The following TBCA variants were observed in gnomAD, a reference collection of about 807,000 sequenced individuals.
The protein encoded by TBCA is tubulin folding cofactor A, also known as tubulin-specific chaperone A.
Under a neutral mutation model 15.8 loss-of-function variants are expected in TBCA, and 6 were observed. That is an observed-to-expected ratio of 0.38 (90% CI 0.21 to 0.75). TBCA has a LOEUF of 0.75. Ranked by LOEUF, TBCA falls within the 30% of genes least tolerant of loss-of-function variation. The probability of loss-of-function intolerance (pLI) is 0.46; values close to 1 mark genes in which losing one functional copy is unlikely to be tolerated. For missense variants in TBCA, 90 were observed against 131.2 expected (o/e 0.69, Z 1.53); for synonymous variants, 32 against 42.3 (o/e 0.76, Z 0.94).
chr5:77,723,624 TA>T (rs34625177), intron 1 of TBCA, among the ~76,000 whole-genome samples: 10 of 150,730 alleles, frequency 6.6e-5, no homozygotes, highest in South Asian at 2.1e-4. Flanking sequence ...AGAATGGCCT[TA>T]AAAAAAAATA....
At chr5:77,761,572 C>T (rs1417127354) in intron 1 of TBCA, among the ~76,000 whole-genome samples, 2 of 151,928 alleles carry the variant, frequency 1.3e-5, no homozygotes, top group African/African-American at 2.4e-5. Context: ...ACCTTCTCTC[C>T]ACTATTATCC....
At chr5:77,764,631 G>A (rs781573605) in intron 1 of TBCA, among the ~76,000 whole-genome samples, 1 of 152,188 alleles carries the variant, frequency 6.6e-6, no homozygotes, top group Admixed American at 6.5e-5. Context: ...TTGGGGAAAT[G>A]TTTTCCTAAA....
intron 1 of TBCA, among the ~76,000 whole-genome samples, chr5:77,735,088 A>C (rs1385074898): frequency 6.6e-6 from 1 of 152,208 alleles, no homozygotes; most frequent in Non-Finnish European, 1.5e-5. Flanking sequence ...AAACCAAAAA[A>C]TTTGTGTGAC....
At chr5:77,772,922 C>T (rs1045350646) in intron 1 of TBCA, among the ~76,000 whole-genome samples, 7 of 152,252 alleles carry the variant, frequency 4.6e-5, no homozygotes, top group African/African-American at 1.7e-4. Flanking sequence ...CAGCATATAA[C>T]TACTTGAACT....
chr5:77,714,099 T>A (rs956276401), intron 1 of TBCA, among the ~76,000 whole-genome samples: 20 of 151,178 alleles, frequency 1.3e-4, no homozygotes, highest in Admixed American at 8.6e-4. Context: ...GGTGGGAGGA[T>A]CACTCGAGGT....
intron 1 of TBCA, among the ~76,000 whole-genome samples, chr5:77,735,002 A>AT (rs1367058445): frequency 6.6e-6 from 1 of 152,284 alleles, no homozygotes; most frequent in East Asian, 1.9e-4. Flanking sequence ...TGGTATGTAC[A>AT]TTTTTTAGAT....
At chr5:77,720,257 T>C (rs1746497845) in intron 1 of TBCA, among the ~76,000 whole-genome samples, 1 of 152,050 alleles carries the variant, frequency 6.6e-6, no homozygotes, top group Non-Finnish European at 1.5e-5. Context: ...CACAGATGGA[T>C]AGGGTAAAGT....
chr5:77,695,132 C>A (rs1745844992), intron 2 of TBCA, among the ~76,000 whole-genome samples: 1 of 152,084 alleles, frequency 6.6e-6, no homozygotes, highest in South Asian at 2.1e-4. Context: ...TGACAAGTCA[C>A]AATATGTGTT....
intron 1 of TBCA, among the ~76,000 whole-genome samples, chr5:77,758,477 G>A (rs1747528533): frequency 6.6e-6 from 1 of 152,200 alleles, no homozygotes; most frequent in Non-Finnish European, 1.5e-5. Flanking sequence ...AGTGTTGTGA[G>A]CCCTTAAAAG....
chr5:77,712,688 C>T (rs1746308509), intron 1 of TBCA, among the ~76,000 whole-genome samples: 1 of 152,042 alleles, frequency 6.6e-6, no homozygotes, highest in African/African-American at 2.4e-5. Flanking sequence ...TTGAAACAAA[C>T]TCATTTAGCA....
At chr5:77,707,257 G>C (rs1299572005) in intron 2 of TBCA, among the ~76,000 whole-genome samples, 1 of 152,178 alleles carries the variant, frequency 6.6e-6, no homozygotes, top group Admixed American at 6.6e-5. Flanking sequence ...AAGAATATGA[G>C]AAAGTTCCCT....
At chr5:77,768,649 A>G (rs1225534225) in intron 1 of TBCA, among the ~76,000 whole-genome samples, 1 of 152,196 alleles carries the variant, frequency 6.6e-6, no homozygotes, top group East Asian at 1.9e-4. Flanking sequence ...CCAACACCAT[A>G]CCAGATGATT....
At chr5:77,724,549 T>C (rs1270421430) in intron 1 of TBCA, among the ~76,000 whole-genome samples, 2 of 152,184 alleles carry the variant, frequency 1.3e-5, no homozygotes, top group Admixed American at 6.5e-5. Context: ...TATATAGTTA[T>C]GGTATAAGGG....
chr5:77,745,141 G>A (rs748146874), intron 1 of TBCA, among the ~76,000 whole-genome samples: 1 of 152,128 alleles, frequency 6.6e-6, no homozygotes, highest in Admixed American at 6.5e-5. Flanking sequence ...TTGTTCCCAT[G>A]CCTTTTTATG....
Position 77,693,799 on chromosome 5 carries a change from C to CAAAA in TBCA, c.160-451_160-448dup, listed in dbSNP as rs70991303. On this transcript the variant is annotated intron_variant, in intron 2 of 3. Coordinates refer to ENST00000380377, the MANE Select transcript of TBCA (RefSeq NM_004607.3). Reference sequence around the variant, plus strand: ...GGGCAACAAGAGTGAAACTCCATCTCAAAAAAAAAAAAAAAAAAAAAAAAG... The same window carrying CAAAA: ...GGGCAACAAGAGTGAAACTCCATCTCAAAAAAAAAAAAAAAAAAAAAAAAAAAAG... Among the ~76,000 whole-genome samples, 375 of 77,676 alleles carry CAAAA rather than the reference C, an allele frequency of 4.8e-3. 5 individuals are homozygous for CAAAA. The highest frequency in any genetic ancestry group is 0.011 in the Middle Eastern group (1 of 94). The allele number at this position is 77,676 out of a possible 152,430, so 51.0% of individuals were successfully genotyped here.
At chr5:77,769,930 T>C (rs1056332317) in intron 1 of TBCA, among the ~76,000 whole-genome samples, 5 of 152,230 alleles carry the variant, frequency 3.3e-5, no homozygotes, top group Non-Finnish European at 4.4e-5. Flanking sequence ...TTTGTTCACA[T>C]TGGATTTTAA....
intron 1 of TBCA, among the ~76,000 whole-genome samples, chr5:77,720,015 C>A (rs1417503197): frequency 6.6e-6 from 1 of 152,132 alleles, no homozygotes. Flanking sequence ...TATCCTCTGT[C>A]CAGACCCATA....
intron 1 of TBCA, among the ~76,000 whole-genome samples, chr5:77,775,221 GATTC>G (rs1319366932): frequency 3.3e-5 from 5 of 152,162 alleles, no homozygotes; most frequent in African/African-American, 1.2e-4. Context: ...TAAAATCGCA[GATTC>G]ATTTAGCCGA....
intron 1 of TBCA, among the ~76,000 whole-genome samples, chr5:77,744,787 C>T (rs1352309778): frequency 2.0e-5 from 3 of 152,074 alleles, no homozygotes; most frequent in Admixed American, 1.3e-4. Flanking sequence ...CCACCCGCTT[C>T]GGCCTCCAAA....
Sources: allele counts gnomAD v4.1 joint callset (sites outside exome capture counted in the v4.1 genomes callset), GRCh38; gene constraint gnomAD v4.1.1; transcripts MANE v1.5; gene names NCBI Gene and HGNC (gene_info 2026-07-23, HGNC 2026-07-21).